The following APBB2 variants were observed in gnomAD, a reference collection of about 807,000 sequenced individuals.
APBB2 encodes amyloid beta precursor protein binding family B member 2.
APBB2 carries 38 observed loss-of-function variants against 82.5 expected under a neutral mutation model. The ratio of observed to expected loss-of-function variants is 0.46; its 90% CI spans 0.36 to 0.60. The LOEUF (loss-of-function observed/expected upper bound fraction) is 0.60, where lower values mean the gene tolerates loss of function less well. APBB2 is among the 20% of genes least tolerant of loss of function. The pLI is 0.00. For synonymous variants in APBB2, 341 were observed against 368.2 expected (o/e 0.93, Z 0.85); for missense variants, 772 against 972.3 (o/e 0.79, Z 2.74).
chr4:41,026,491 C>T (rs146698661), intron 5 of APBB2, among the ~76,000 whole-genome samples: 202 of 152,260 alleles, frequency 1.3e-3, no homozygotes, highest in Non-Finnish European at 1.2e-3. Flanking sequence ...TTAACAGTCA[C>T]GACCCATTCG....
intron 10 of APBB2, among the ~76,000 whole-genome samples, chr4:40,911,343 G>A (rs1305072069): frequency 2.0e-5 from 3 of 152,220 alleles, no homozygotes; most frequent in South Asian, 4.2e-4. Context: ...ATGTTCTAAG[G>A]AATGTTGGGA....
chr4:40,827,490 C>A (rs1384319948), intron 13 of APBB2, among the ~76,000 whole-genome samples: 2 of 152,162 alleles, frequency 1.3e-5, no homozygotes, highest in African/African-American at 4.8e-5. Flanking sequence ...CAGGCTCCCA[C>A]CTCTACTAGA....
At chr4:40,845,465 T>A (rs1757191571) in intron 12 of APBB2, among the ~76,000 whole-genome samples, 1 of 151,994 alleles carries the variant, frequency 6.6e-6, no homozygotes, top group Non-Finnish European at 1.5e-5. Flanking sequence ...CAGCATGCTC[T>A]CCGTGGCTGT....
At chr4:40,819,191 T>C (rs866547792) in intron 17 of APBB2, among the ~76,000 whole-genome samples, 6 of 69,140 alleles carry the variant, frequency 8.7e-5, no homozygotes, top group African/African-American at 1.7e-4. Flanking sequence ...TTTTTTTTCT[T>C]TTTTTTTTTT....
At chr4:40,906,249 G>A (rs34183292) in intron 10 of APBB2, among the ~76,000 whole-genome samples, 19,041 of 151,798 alleles carry the variant, frequency 0.13, 1,403 homozygotes, top group Middle Eastern at 0.19. Flanking sequence ...GAGCCCAGGA[G>A]TTCGAGACCA....
At chr4:41,096,735 G>C (rs533624228) in intron 3 of APBB2, among the ~76,000 whole-genome samples, 2 of 152,142 alleles carry the variant, frequency 1.3e-5, no homozygotes, top group Admixed American at 1.3e-4. Flanking sequence ...ATTTTGAAAG[G>C]TATAGGTCAA....
intron 1 of APBB2, among the ~76,000 whole-genome samples, chr4:41,168,727 T>A (rs1317340033): frequency 6.6e-6 from 1 of 152,344 alleles, no homozygotes; most frequent in African/African-American, 2.4e-5. Flanking sequence ...AGCCTAACTC[T>A]TAATCTCTAC....
At chr4:41,123,463 T>C (rs1315472563) in intron 2 of APBB2, among the ~76,000 whole-genome samples, 1 of 152,108 alleles carries the variant, frequency 6.6e-6, no homozygotes, top group Admixed American at 6.5e-5. Context: ...TAACCTGCCA[T>C]CCAACATGAG....
intron 1 of APBB2, among the ~76,000 whole-genome samples, chr4:41,181,826 A>C (rs957092851): frequency 6.6e-6 from 1 of 151,838 alleles, no homozygotes; most frequent in Non-Finnish European, 1.5e-5. Context: ...CATGCCTGTA[A>C]TCCCAGCTAC....
intron 1 of APBB2, among the ~76,000 whole-genome samples, chr4:41,187,816 C>T (rs1773294288): frequency 6.6e-6 from 1 of 152,168 alleles, no homozygotes; most frequent in South Asian, 2.1e-4. Context: ...TCCATTTGTA[C>T]TTTAGCTTCT....
At chr4:41,006,454 ATTTATTT>A (rs1560507253) in intron 6 of APBB2, among the ~76,000 whole-genome samples, 3 of 152,028 alleles carry the variant, frequency 2.0e-5, no homozygotes, top group Non-Finnish European at 4.4e-5. Context: ...GGATTTATTT[ATTTATTT>A]TTTATTTTTT....
chr4:41,101,389 G>A (rs951722452), intron 2 of APBB2, among the ~76,000 whole-genome samples: 22 of 142,158 alleles, frequency 1.5e-4, no homozygotes, highest in Non-Finnish European at 3.2e-4. Context: ...GCGTGAACCC[G>A]GGAAGCGGAG....
chr4:40,916,602 G>A (rs188934234), intron 10 of APBB2, among the ~76,000 whole-genome samples: 5 of 152,172 alleles, frequency 3.3e-5, no homozygotes, highest in African/African-American at 9.7e-5. Flanking sequence ...TAACATACCC[G>A]TGTCTCTGTG....
At chr4:41,040,117 G>T (rs1045573613) in intron 4 of APBB2, among the ~76,000 whole-genome samples, 2 of 152,008 alleles carry the variant, frequency 1.3e-5, no homozygotes, top group African/African-American at 2.4e-5. Flanking sequence ...TTGTCTTTCT[G>T]ACATTAGTGA....
Position 40,892,102 on chromosome 4 carries a change from C to T in APBB2, c.1401+1163G>A, listed in dbSNP as rs536541644. Among the ~76,000 whole-genome samples the T allele has an allele frequency of 9.9e-5, 15 of 152,160 alleles. No homozygotes were observed. In the South Asian group the frequency reaches 3.1e-3, roughly 32 times the overall value. On this transcript the variant is annotated intron_variant, in intron 11 of 17. Coordinates refer to ENST00000508593, the MANE Select transcript of APBB2 (RefSeq NM_004307.2). ...AGTAGCTGGGACTACAGGTGCGTGC[C>T]ATCATACCCAGCTAATTTTTGTATT...
chr4:41,167,418 A>G (rs1223408268), intron 1 of APBB2, among the ~76,000 whole-genome samples: 1 of 152,202 alleles, frequency 6.6e-6, no homozygotes, highest in African/African-American at 2.4e-5. Context: ...ACTACCCACA[A>G]CAACCCCCAA....
intron 12 of APBB2, among the ~76,000 whole-genome samples, chr4:40,846,885 A>G (rs1192262602): frequency 6.6e-6 from 1 of 152,192 alleles, no homozygotes; most frequent in East Asian, 1.9e-4. Flanking sequence ...ATCTTTGAAG[A>G]CTTTAAGCAA....
chr4:41,137,656 G>A (rs1162870443), intron 2 of APBB2, among the ~76,000 whole-genome samples: 1 of 152,106 alleles, frequency 6.6e-6, no homozygotes. Flanking sequence ...CTAGCATAAG[G>A]ACAGATGGTA....
At chr4:40,985,148 C>T (rs1800081579) in intron 6 of APBB2, among the ~76,000 whole-genome samples, 1 of 151,958 alleles carries the variant, frequency 6.6e-6, no homozygotes, top group Admixed American at 6.6e-5. Context: ...CTTCTGGGTT[C>T]ACATGATCCT....
Sources: gnomAD v4.1 joint callset for allele counts (sites outside exome capture counted in the v4.1 genomes callset) on GRCh38, gnomAD v4.1.1 for gene constraint, MANE v1.5 for transcripts, NCBI Gene and HGNC (gene_info 2026-07-23, HGNC 2026-07-21) for gene names.